Variants in FRMPD4 observed in about 807,000 individuals in gnomAD.
FRMPD4 encodes the protein FERM and PDZ domain-containing protein 4.
FRMPD4 carries 22 observed loss-of-function variants against 94.1 expected under a neutral mutation model. That is an observed-to-expected ratio of 0.23 (90% CI 0.17 to 0.33). The LOEUF (loss-of-function observed/expected upper bound fraction) is 0.33, where lower values mean the gene tolerates loss of function less well. Ranked by LOEUF, FRMPD4 falls within the 10% of genes least tolerant of loss-of-function variation. The pLI is 1.00. For missense variants in FRMPD4, 1,111 were observed against 1,339.9 expected (o/e 0.83, Z 2.67); for synonymous variants, 631 against 548.6 (o/e 1.15, Z -2.10).
intron 2 of FRMPD4, among the ~76,000 whole-genome samples, chrX:12,532,052 C>T (rs2058291067): frequency 8.9e-6 from 1 of 111,904 alleles, no homozygotes; most frequent in Non-Finnish European, 1.9e-5. Flanking sequence ...TATCTAATAA[C>T]TTACAGTGTT....
intron 3 of FRMPD4, among the ~76,000 whole-genome samples, chrX:12,126,234 A>G (rs2055498775): frequency 8.9e-6 from 1 of 112,305 alleles, no homozygotes; most frequent in African/African-American, 3.2e-5. Context: ...AGCAGGAAAC[A>G]GGAAGAACCA....
At chrX:12,275,314 A>G (rs769625009) in intron 1 of FRMPD4, among the ~76,000 whole-genome samples, 1 of 110,998 alleles carries the variant, frequency 9.0e-6, no homozygotes, top group African/African-American at 3.3e-5. Flanking sequence ...GCCATGAGTG[A>G]AAGCTCCCTG....
At chrX:12,178,786 G>C (rs1421626973) in intron 1 of FRMPD4, among the ~76,000 whole-genome samples, 1 of 111,684 alleles carries the variant, frequency 9.0e-6, no homozygotes, top group Non-Finnish European at 1.9e-5. Flanking sequence ...GGAGATGGGG[G>C]TGGGGATCAA....
chrX:12,558,185 C>G (rs1306580274), intron 2 of FRMPD4, among the ~76,000 whole-genome samples: 1 of 112,569 alleles, frequency 8.9e-6, no homozygotes, highest in Non-Finnish European at 1.9e-5. Context: ...GTAAGGCTAC[C>G]ATTTGCACAT....
chrX:12,051,703 C>T (rs1332435094), intron 3 of FRMPD4, among the ~76,000 whole-genome samples: 1 of 111,136 alleles, frequency 9.0e-6, no homozygotes, highest in Admixed American at 9.6e-5. Context: ...TCTCCCACCC[C>T]CTCCTTTTAT....
At chrX:12,704,600 T>A in intron 11 of FRMPD4, 115 bp downstream of exon 11, 1 of 460,026 alleles carries the variant, frequency 2.2e-6, no homozygotes, top group Non-Finnish European at 3.6e-6. Flanking sequence ...TCAGAAGCAG[T>A]AACACTGTGT....
chrX:12,066,835 A>T (rs1172997791), intron 3 of FRMPD4, among the ~76,000 whole-genome samples: 1 of 108,238 alleles, frequency 9.2e-6, no homozygotes, highest in East Asian at 2.8e-4. Flanking sequence ...ACCTAAAAAA[A>T]AAAACAGAGC....
At chrX:12,072,323 A>G (rs1293714237) in intron 3 of FRMPD4, among the ~76,000 whole-genome samples, 1 of 112,022 alleles carries the variant, frequency 8.9e-6, no homozygotes, top group African/African-American at 3.2e-5. Flanking sequence ...TGATGGGGAG[A>G]TACCTTACTC....
At chrX:12,541,782 A>T (rs1256013353) in intron 2 of FRMPD4, among the ~76,000 whole-genome samples, 2 of 111,872 alleles carry the variant, frequency 1.8e-5, no homozygotes, top group Non-Finnish European at 3.8e-5. Context: ...GCAGAGACAC[A>T]ACAAAAAAAG....
chrX:12,538,735 G>A (rs2058369967), intron 2 of FRMPD4, among the ~76,000 whole-genome samples: 1 of 112,307 alleles, frequency 8.9e-6, no homozygotes, highest in Non-Finnish European at 1.9e-5. Flanking sequence ...CAGACCTGCA[G>A]CTGAGGGTCC....
intron 1 of FRMPD4, among the ~76,000 whole-genome samples, chrX:12,374,581 C>T (rs146708021): frequency 5.4e-5 from 6 of 111,714 alleles, no homozygotes; most frequent in African/African-American, 1.6e-4. Context: ...AAAAAACAAA[C>T]GAATGCAAAA....
In FRMPD4 at chrX:12,525,543, ATTTC is replaced by A. The variant is rs769981698; in HGVS notation, c.158+26751_158+26754del. On this transcript the variant is annotated intron_variant, in intron 2 of 16. Coordinates refer to ENST00000675598, the MANE Select transcript of FRMPD4 (RefSeq NM_001368397.1). ...AGGAAATTATTTCACCCCAAAATATATTTCTTTGACATATTTTGAAATGGCCATG... is the reference window on the plus strand; with the variant it reads ...AGGAAATTATTTCACCCCAAAATATATTTGACATATTTTGAAATGGCCATG... Among the ~76,000 whole-genome samples, 565 of 112,032 alleles carry A rather than the reference ATTTC, an allele frequency of 5.0e-3. 6 individuals carry two copies. The highest frequency in any genetic ancestry group is 0.018 in the African/African-American group (548 of 30,841).
At chrX:12,388,850 T>TATATATACAC (rs1491368741) in intron 1 of FRMPD4, among the ~76,000 whole-genome samples, 151 of 73,444 alleles carry the variant, frequency 2.1e-3, no homozygotes, top group Non-Finnish European at 2.3e-3. Context: ...TATATATATA[T>TATATATACAC]ACACACAATG....
Position 12,683,509 on chromosome X carries a change from T to C in FRMPD4, c.495T>C (p.Ala165=). The change falls in exon 6 of 17, where the codon GCT becomes GCC. Residue 165 remains alanine, a synonymous_variant. Coordinates refer to ENST00000675598, the MANE Select transcript of FRMPD4 (RefSeq NM_001368397.1). ...CTCCCAAATCAGCATTTATTAGTGC[T>C]GCAAAAAAGGCAAGATTAAAGTCCA... The part of the protein sequence containing the change: ...YPSPKSAFIS[A]AKKARLKSNP... 1 of 1,171,638 alleles carries C rather than the reference T, an allele frequency of 8.5e-7. No homozygotes were observed. The highest frequency in any genetic ancestry group is 1.2e-6 in the Non-Finnish European group (1 of 860,122).
At chrX:12,029,898 C>CAT (rs2054681870) in intron 3 of FRMPD4, among the ~76,000 whole-genome samples, 1 of 111,485 alleles carries the variant, frequency 9.0e-6, no homozygotes, top group African/African-American at 3.3e-5. Context: ...TTACATAGGG[C>CAT]ATATATACCA....
At chrX:12,502,835 G>A (rs1372868686) in intron 2 of FRMPD4, among the ~76,000 whole-genome samples, 2 of 112,231 alleles carry the variant, frequency 1.8e-5, no homozygotes, top group African/African-American at 6.5e-5. Flanking sequence ...ATAGACTATA[G>A]ATGAGTGACT....
rs755217653 is a variant in FRMPD4 at position 11,995,340 on chromosome X, TA to T, written c.95+117323del. On this transcript the variant is annotated intron_variant, in intron 3 of 18. Coordinates refer to the FRMPD4 transcript ENST00000640291. ...ACAGTGACATACTGTAGCATCTTATTATTTTTTTTCAGGCACAGATCAGCCT... is the reference window on the plus strand; with the variant it reads ...ACAGTGACATACTGTAGCATCTTATTTTTTTTTTCAGGCACAGATCAGCCT... Among the ~76,000 whole-genome samples, 123 of 111,632 alleles carry T rather than the reference TA, an allele frequency of 1.1e-3. 1 individual carries two copies. Among genetic ancestry groups the T allele is most frequent in the African/African-American group, 3.9e-3 (120 of 30,782 alleles).
chrX:11,839,535 T>C (rs899269392), intron 1 of FRMPD4, among the ~76,000 whole-genome samples: 8 of 111,815 alleles, frequency 7.2e-5, no homozygotes, highest in African/African-American at 2.6e-4. Flanking sequence ...TTTATTCTTT[T>C]CTGTGGTTTG....
intron 2 of FRMPD4, among the ~76,000 whole-genome samples, chrX:12,551,063 T>C (rs2058532206): frequency 9.0e-6 from 1 of 111,135 alleles, no homozygotes. Flanking sequence ...TGTATAGTTT[T>C]CTGAGCATGT....
Sources: gnomAD v4.1 joint callset for allele counts (sites outside exome capture counted in the v4.1 genomes callset) on GRCh38, gnomAD v4.1.1 for gene constraint, MANE v1.5 for transcripts, NCBI Gene and HGNC (gene_info 2026-07-23, HGNC 2026-07-21) for gene names.